Variants in ZNF385D observed in about 807,000 individuals in gnomAD.
ZNF385D encodes zinc finger protein 659.
A neutral mutation model predicts 35.8 loss-of-function variants in ZNF385D; 15 were observed. The ratio of observed to expected loss-of-function variants is 0.42; its 90% CI spans 0.28 to 0.64. ZNF385D has a LOEUF of 0.64. ZNF385D is among the 30% of genes least tolerant of loss of function. The pLI is 0.23. For synonymous variants in ZNF385D, 212 were observed against 186.8 expected (o/e 1.13, Z -1.10); for missense variants, 474 against 494.6 (o/e 0.96, Z 0.39).
At chr3:22,114,029 T>C (rs918285834) in intron 3 of ZNF385D, among the ~76,000 whole-genome samples, 1 of 152,136 alleles carries the variant, frequency 6.6e-6, no homozygotes, top group Non-Finnish European at 1.5e-5. Flanking sequence ...GTTTTAAATA[T>C]TAACAGTATT....
intron 3 of ZNF385D, among the ~76,000 whole-genome samples, chr3:21,859,215 G>C (rs913510001): frequency 2.0e-5 from 3 of 152,130 alleles, no homozygotes; most frequent in Admixed American, 1.3e-4. Flanking sequence ...TGCTCCAGGG[G>C]ATGGTGAAAG....
intron 3 of ZNF385D, among the ~76,000 whole-genome samples, chr3:21,894,531 G>C (rs1214699043): frequency 3.3e-5 from 5 of 152,052 alleles, no homozygotes; most frequent in African/African-American, 9.7e-5. Context: ...TCAGCTGAAA[G>C]ACTAGTTATA....
chr3:21,443,503 C>T (rs1488606794), intron 4 of ZNF385D, among the ~76,000 whole-genome samples: 1 of 152,096 alleles, frequency 6.6e-6, no homozygotes, highest in Non-Finnish European at 1.5e-5. Flanking sequence ...GTTGTATATG[C>T]AAGAGTAATA....
chr3:21,582,690 C>T (rs1356423478), intron 2 of ZNF385D, among the ~76,000 whole-genome samples: 1 of 152,170 alleles, frequency 6.6e-6, no homozygotes, highest in African/African-American at 2.4e-5. Context: ...GAAGCTAAGC[C>T]AGCACCACAG....
At chr3:21,887,627 C>CA (rs1434472367) in intron 3 of ZNF385D, among the ~76,000 whole-genome samples, 2 of 151,866 alleles carry the variant, frequency 1.3e-5, no homozygotes, top group Admixed American at 6.6e-5. Flanking sequence ...TGTGATAGAA[C>CA]AAAAACAAAA....
intron 3 of ZNF385D, among the ~76,000 whole-genome samples, chr3:21,562,405 A>T (rs2062983394): frequency 6.6e-6 from 1 of 152,078 alleles, no homozygotes; most frequent in Non-Finnish European, 1.5e-5. Flanking sequence ...AAATAGAACC[A>T]CTGTCTGGAA....
chr3:22,370,000 G>A (rs918010557), intron 2 of ZNF385D, among the ~76,000 whole-genome samples: 1 of 152,038 alleles, frequency 6.6e-6, no homozygotes, highest in South Asian at 2.1e-4. Context: ...TCTAATCTTC[G>A]TTACTATAGA....
intron 1 of ZNF385D, among the ~76,000 whole-genome samples, chr3:21,706,681 G>T (rs1389823058): frequency 6.6e-6 from 1 of 152,066 alleles, no homozygotes; most frequent in Non-Finnish European, 1.5e-5. Flanking sequence ...TTATAGTTAA[G>T]ACCAATACCC....
At chr3:22,122,832 C>A (rs1240273576) in intron 3 of ZNF385D, among the ~76,000 whole-genome samples, 1 of 152,108 alleles carries the variant, frequency 6.6e-6, no homozygotes, top group Non-Finnish European at 1.5e-5. Flanking sequence ...ACATCAAATG[C>A]AAAGGCCCTG....
chr3:22,251,537 A>G (rs1700064757), intron 2 of ZNF385D, among the ~76,000 whole-genome samples: 1 of 152,098 alleles, frequency 6.6e-6, no homozygotes, highest in South Asian at 2.1e-4. Context: ...AGGATTTCTC[A>G]GCTTCAGCAC....
chr3:21,626,531 T>C (rs1329032486), intron 2 of ZNF385D, among the ~76,000 whole-genome samples: 1 of 152,122 alleles, frequency 6.6e-6, no homozygotes, highest in East Asian at 1.9e-4. Context: ...TGATTTCAGG[T>C]AGAGATCCCC....
chr3:21,419,805 T>C lies in ZNF385D; in HGVS notation c.*1409A>G, dbSNP rs1461605297. 6.6e-6 allele frequency: 1 copy of C among 151,972 alleles called. No individual in the cohort carries two copies. The highest frequency in any genetic ancestry group is 2.4e-5 in the African/African-American group (1 of 41,452). The allele number at this position is 151,972 out of a possible 1,614,324, so 9.4% of individuals were successfully genotyped here. ...TGGATGGTTATATAATTATTTTATA[T>C]AGATTTTTTCTTTTTATAACTTATT... is the stretch of plus-strand genomic sequence containing the variant. On this transcript the variant is annotated 3_prime_UTR_variant, in exon 8 of 8. Coordinates refer to ENST00000281523, the MANE Select transcript of ZNF385D (RefSeq NM_024697.3).
intron 3 of ZNF385D, among the ~76,000 whole-genome samples, chr3:21,981,224 C>T (rs1223142128): frequency 6.6e-6 from 1 of 152,168 alleles, no homozygotes; most frequent in Non-Finnish European, 1.5e-5. Context: ...ACCTCACAAG[C>T]ATCTGTTACT....
chr3:22,221,228 AT>A (rs1275880546), intron 2 of ZNF385D, among the ~76,000 whole-genome samples: 1 of 152,128 alleles, frequency 6.6e-6, no homozygotes, highest in African/African-American at 2.4e-5. Context: ...TAAATATAAA[AT>A]ATGTGTATAT....
rs762947854 is a variant in ZNF385D, at chr3:22,130,998, AT to A, written c.325+37818del. Among the ~76,000 whole-genome samples the A allele has an allele frequency of 2.0e-4, 30 of 152,308 alleles. 1 individual carries two copies. The South Asian group carries it at 2.5e-3, about 13-fold the overall frequency. The stretch of plus-strand genomic sequence containing the variant: ...GAAGACAGATCCAGGCTAAAAAAAA[AT>A]ATTGAGAATCATGCATGCTTAGAGA... On this transcript the variant is annotated intron_variant, in intron 3 of 5. Coordinates refer to the ZNF385D transcript ENST00000494108.
intron 3 of ZNF385D, among the ~76,000 whole-genome samples, chr3:22,141,133 A>G (rs1044699067): frequency 1.3e-5 from 2 of 152,168 alleles, no homozygotes; most frequent in Non-Finnish European, 2.9e-5. Flanking sequence ...TAAAAACATA[A>G]GAGAGGTTTA....
At chr3:21,632,117 C>T (rs1453742460) in intron 2 of ZNF385D, among the ~76,000 whole-genome samples, 1 of 151,952 alleles carries the variant, frequency 6.6e-6, no homozygotes, top group Non-Finnish European at 1.5e-5. Context: ...CGTACTGTCA[C>T]AGAGATAATA....
intron 2 of ZNF385D, among the ~76,000 whole-genome samples, chr3:22,222,778 C>T (rs1466937493): frequency 6.6e-6 from 1 of 152,074 alleles, no homozygotes; most frequent in East Asian, 1.9e-4. Context: ...TATTAGATCA[C>T]TTAGAATATT....
intron 2 of ZNF385D, among the ~76,000 whole-genome samples, chr3:22,223,869 G>C (rs1698402057): frequency 6.6e-6 from 1 of 152,020 alleles, no homozygotes; most frequent in Non-Finnish European, 1.5e-5. Flanking sequence ...ATTCTGATTG[G>C]TTTATTTATT....
Sources: allele counts gnomAD v4.1 joint callset (sites outside exome capture counted in the v4.1 genomes callset), GRCh38; gene constraint gnomAD v4.1.1; transcripts MANE v1.5; gene names NCBI Gene and HGNC (gene_info 2026-07-23, HGNC 2026-07-21).